The following USP24 variants were observed in gnomAD, a reference collection of about 807,000 sequenced individuals.
USP24 encodes ubiquitin carboxyl-terminal hydrolase 24.
USP24 carries 97 observed loss-of-function variants against 361.6 expected under a neutral mutation model. That is an observed-to-expected ratio of 0.27 (90% CI 0.23 to 0.32). The LOEUF (loss-of-function observed/expected upper bound fraction) is 0.32. USP24 is among the 10% of genes least tolerant of loss of function. The pLI, the probability that USP24 is intolerant of heterozygous loss-of-function variation, is 1.00. For synonymous variants in USP24, 1,098 were observed against 1,124.6 expected, an observed-to-expected ratio of 0.98 and a Z score of 0.47; for missense variants, 2,353 against 3,165.6, an observed-to-expected ratio of 0.74 and a Z score of 6.16.
At chr1:55,103,821 A>G in intron 42 of USP24, 55 bp downstream of exon 42, 2 of 1,549,030 alleles carry the variant, frequency 1.3e-6, no homozygotes, top group Non-Finnish European at 1.7e-6. Context: ...TTAAAATTAT[A>G]TGTTTCAGAG....
At chr1:55,163,438 CAA>C (rs1648502127) in intron 7 of USP24, among the ~76,000 whole-genome samples, 1 of 151,846 alleles carries the variant, frequency 6.6e-6, no homozygotes, top group Admixed American at 6.6e-5. Flanking sequence ...ACACGTCACC[CAA>C]AGAGACCTAA....
chr1:55,212,532 GATA>G (rs1470277073), intron 1 of USP24, among the ~76,000 whole-genome samples: 6 of 152,132 alleles, frequency 3.9e-5, no homozygotes, highest in Non-Finnish European at 5.9e-5. Flanking sequence ...GTAGATGCTG[GATA>G]ATATTTATTA....
chr1:55,141,844 G>C, intron 23 of USP24, 113 bp from the exon 24 acceptor site: 1 of 940,226 alleles, frequency 1.1e-6, no homozygotes, highest in South Asian at 1.5e-5. Context: ...ATTCACTGTA[G>C]GATGTTTAAC....
At chr1:55,162,348 A>G in intron 7 of USP24, 84 bp from the exon 8 acceptor site, 1 of 1,265,422 alleles carries the variant, frequency 7.9e-7, no homozygotes, top group Non-Finnish European at 1.1e-6. Flanking sequence ...TTCATGTATC[A>G]GAGAAAAGTT....
Position 55,154,734 on chromosome 1 carries a change from A to T in USP24, c.1491T>A (p.Ile497=), listed in dbSNP as rs748339858. 4.3e-6 allele frequency: 7 copies of T among 1,613,496 alleles called. No homozygotes were observed. The highest frequency in any genetic ancestry group is 5.9e-6 in the Non-Finnish European group (7 of 1,179,618). The stretch of plus-strand genomic sequence containing the variant: ...AATTAAATTTCACAGCCGCTGCAGC[A>T]ATAATAGTATGAATGTTCTCAATCA... ...STVIENIHTI[I]AAAAVKFNSD... The change falls in exon 13 of 68, where the codon ATT becomes ATA. Residue 497 remains isoleucine (I), a synonymous_variant. Transcript: ENST00000294383.
intron 18 of USP24, 105 bp downstream of exon 18, chr1:55,147,544 C>CA (rs1647062650): frequency 1.6e-6 from 2 of 1,264,540 alleles, no homozygotes; most frequent in Non-Finnish European, 2.1e-6. Context: ...ATACCTCATA[C>CA]AACCTCTTTA....
intron 24 of USP24, among the ~76,000 whole-genome samples, chr1:55,139,574 T>C (rs1292936088): frequency 6.6e-6 from 1 of 152,212 alleles, no homozygotes; most frequent in Non-Finnish European, 1.5e-5. Context: ...TCAGCTTATA[T>C]AGTCATAGCC....
intron 38 of USP24, among the ~76,000 whole-genome samples, chr1:55,113,845 T>C (rs1646026069): frequency 6.6e-6 from 1 of 152,216 alleles, no homozygotes; most frequent in Non-Finnish European, 1.5e-5. Flanking sequence ...CTTTGAAAAT[T>C]GGCACAAGAC....
Position 55,103,897 on chromosome 1 carries a change from A to T in USP24, c.5004T>A (p.Pro1668=). ...CTACATCAAACTCCTTGGTAAGAGCAGGGTCAGGCTGGTGATGCATAGAAA... is the reference window on the plus strand; with the variant it reads ...CTACATCAAACTCCTTGGTAAGAGCTGGGTCAGGCTGGTGATGCATAGAAA... ...ELLSMHHQPD[P]ALTKEFDYLP... is the part of the protein sequence containing the mutation. Residue 1668 remains proline, a synonymous_variant, in exon 42 of 68, where the codon CCT becomes CCA. Transcript: ENST00000294383. 6.2e-7 allele frequency: 1 copy of T among 1,612,916 alleles called. No individual in the cohort carries two copies. Among genetic ancestry groups the T allele is most frequent in the South Asian group, 1.1e-5 (1 of 90,824 alleles).
At chr1:55,083,495 A>T (rs1645191837) in intron 57 of USP24, 131 bp from the exon 58 acceptor site, 4 of 918,538 alleles carry the variant, frequency 4.4e-6, no homozygotes, top group Non-Finnish European at 6.4e-6. Context: ...TATAGAAAGT[A>T]CTTGTTAAAA....
intron 7 of USP24, among the ~76,000 whole-genome samples, chr1:55,163,863 G>T (rs1484884633): frequency 6.6e-6 from 1 of 151,934 alleles, no homozygotes; most frequent in African/African-American, 2.4e-5. Flanking sequence ...GCTCTGCAGG[G>T]CTGCCTACAG....
At chr1:55,131,054 C>T (rs754205420) in intron 31 of USP24, among the ~76,000 whole-genome samples, 1 of 152,090 alleles carries the variant, frequency 6.6e-6, no homozygotes, top group African/African-American at 2.4e-5. Context: ...CATTGTTGGA[C>T]CATTCTGTTT....
intron 9 of USP24, 30 bp downstream of exon 9, chr1:55,159,581 G>A (rs1305529395): frequency 1.3e-6 from 2 of 1,543,532 alleles, no homozygotes; most frequent in African/African-American, 1.4e-5. Context: ...AACTGGCACT[G>A]GGGCCTATCT....
At chr1:55,177,835 G>A in intron 2 of USP24, 132 bp downstream of exon 2, 1 of 782,200 alleles carries the variant, frequency 1.3e-6, no homozygotes, top group Non-Finnish European at 2.0e-6. Flanking sequence ...TCTTCTGCAG[G>A]AGATAAGTGA....
At position 55,103,923 on chromosome 1, in the gene USP24, G is replaced by A; in HGVS notation, c.4978C>T (p.Leu1660Phe). 6.2e-7 allele frequency: 1 copy of A among 1,612,822 alleles called. No individual in the cohort carries two copies. The highest frequency in any genetic ancestry group is 8.5e-7 in the Non-Finnish European group (1 of 1,179,372). Reference protein sequence around the residue: ...SNLQIIIKELLSMHHQPDPAL... With the variant: ...SNLQIIIKELFSMHHQPDPAL... Reference sequence around the variant, plus strand: ...GGGTCAGGCTGGTGATGCATAGAAAGCAGTTCTTTTATAATAATTTGAAGA... The same window carrying A: ...GGGTCAGGCTGGTGATGCATAGAAAACAGTTCTTTTATAATAATTTGAAGA... The change falls in exon 42 of 68, where the codon CTT (leucine) becomes TTT (phenylalanine). Residue 1660 changes from leucine to phenylalanine, a missense_variant. Transcript: ENST00000294383.
At chr1:55,196,664 T>G (rs1055739116) in intron 1 of USP24, among the ~76,000 whole-genome samples, 2 of 152,234 alleles carry the variant, frequency 1.3e-5, no homozygotes, top group African/African-American at 2.4e-5. Flanking sequence ...ACAACTCCAC[T>G]AGGGTGTTTA....
chr1:55,116,999 G>C (rs1472019873), intron 38 of USP24, among the ~76,000 whole-genome samples: 3 of 152,168 alleles, frequency 2.0e-5, no homozygotes, highest in Non-Finnish European at 4.4e-5. Context: ...CCATGAACAA[G>C]TGGGATTGAC....
intron 1 of USP24, among the ~76,000 whole-genome samples, chr1:55,183,099 G>A (rs927291068): frequency 3.3e-5 from 5 of 152,088 alleles, no homozygotes; most frequent in African/African-American, 9.7e-5. Context: ...AGACAAATAC[G>A]ACAACCAAAA....
intron 38 of USP24, among the ~76,000 whole-genome samples, chr1:55,112,975 T>G (rs1398749934): frequency 6.6e-6 from 1 of 152,200 alleles, no homozygotes; most frequent in Non-Finnish European, 1.5e-5. Flanking sequence ...ATATTTAGGA[T>G]AGTTAGCTCT....
Sources: allele counts gnomAD v4.1 joint callset (sites outside exome capture counted in the v4.1 genomes callset), GRCh38; gene constraint gnomAD v4.1.1; transcripts MANE v1.5; gene names NCBI Gene and HGNC (gene_info 2026-07-23, HGNC 2026-07-21).